The following FER variants were observed in gnomAD, a reference collection of about 807,000 sequenced individuals.
The protein encoded by FER is FER tyrosine kinase, also known as tyrosine-protein kinase Fer.
A neutral mutation model predicts 111.0 loss-of-function variants in FER; 63 were observed. The ratio of observed to expected loss-of-function variants is 0.57; its 90% CI spans 0.46 to 0.70. The LOEUF is 0.70. Among genes scored for constraint, FER ranks in the 30% least tolerant of loss-of-function variants. The pLI is 0.00. For missense variants in FER, 914 were observed against 954.0 expected, an observed-to-expected ratio of 0.96 and a Z score of 0.55; for synonymous variants, 327 against 313.9, an observed-to-expected ratio of 1.04 and a Z score of -0.44.
At chr5:109,175,718 C>G (rs1452525618) in intron 17 of FER, among the ~76,000 whole-genome samples, 1 of 152,120 alleles carries the variant, frequency 6.6e-6, no homozygotes, top group Non-Finnish European at 1.5e-5. Context: ...GGACTAAAAT[C>G]CAGAATATCC....
chr5:109,178,586 A>G (rs1272163290), intron 17 of FER, among the ~76,000 whole-genome samples: 1 of 152,204 alleles, frequency 6.6e-6, no homozygotes, highest in Non-Finnish European at 1.5e-5. Flanking sequence ...CTATATTGCC[A>G]TTGTACCTCT....
At chr5:109,156,514 T>C (rs1369181763) in intron 17 of FER, among the ~76,000 whole-genome samples, 2 of 151,996 alleles carry the variant, frequency 1.3e-5, no homozygotes, top group African/African-American at 4.8e-5. Flanking sequence ...AGGGCAGAGA[T>C]CTAGGTCTAG....
intron 10 of FER, among the ~76,000 whole-genome samples, chr5:108,899,394 T>C (rs1398785867): frequency 6.6e-6 from 1 of 152,214 alleles, no homozygotes; most frequent in Non-Finnish European, 1.5e-5. Context: ...AAAGGAACTT[T>C]TGAAATGTTT....
At chr5:108,979,916 A>C (rs1236049155) in intron 13 of FER, among the ~76,000 whole-genome samples, 2 of 152,168 alleles carry the variant, frequency 1.3e-5, no homozygotes, top group Non-Finnish European at 2.9e-5. Context: ...TTCTAGGACC[A>C]TTACAATGGG....
intron 10 of FER, among the ~76,000 whole-genome samples, chr5:108,931,393 T>G (rs549750681): frequency 6.6e-6 from 1 of 152,336 alleles, no homozygotes; most frequent in East Asian, 1.9e-4. Context: ...TTTAATAAAC[T>G]TATGTCACTG....
chr5:109,040,896 G>A (rs1771071982), intron 14 of FER, among the ~76,000 whole-genome samples: 1 of 152,104 alleles, frequency 6.6e-6, no homozygotes, highest in South Asian at 2.1e-4. Context: ...AAACACAGTA[G>A]TTCACTTTTT....
chr5:109,103,090 A>G (rs1407811472), intron 17 of FER, among the ~76,000 whole-genome samples: 2 of 152,124 alleles, frequency 1.3e-5, no homozygotes, highest in Non-Finnish European at 2.9e-5. Context: ...ATAATGTAAA[A>G]CATGATTGAA....
At chr5:108,809,980 G>C (rs1371144516) in intron 3 of FER, among the ~76,000 whole-genome samples, 2 of 152,142 alleles carry the variant, frequency 1.3e-5, no homozygotes, top group Admixed American at 6.5e-5. Flanking sequence ...CATAGTGCCA[G>C]AATTCTTGTG....
chr5:109,030,558 A>G (rs1431163805), intron 13 of FER, among the ~76,000 whole-genome samples: 1 of 152,084 alleles, frequency 6.6e-6, no homozygotes. Context: ...TTGTTGGTTT[A>G]TCTGGTGCCA....
chr5:108,762,505 T>C (rs1182257119), intron 1 of FER, among the ~76,000 whole-genome samples: 1 of 152,210 alleles, frequency 6.6e-6, no homozygotes, highest in Non-Finnish European at 1.5e-5. Flanking sequence ...GCCTGTGTTA[T>C]CCTTTTTAGA....
At chr5:108,987,405 C>G (rs1762695896) in intron 13 of FER, among the ~76,000 whole-genome samples, 1 of 151,986 alleles carries the variant, frequency 6.6e-6, no homozygotes. Flanking sequence ...GAGATCACGC[C>G]CTTGTACTCC....
At position 108,967,596 on chromosome 5, in the gene FER, C is replaced by A. The variant is rs371582864; in HGVS notation, c.1656+8249C>A. Among the ~76,000 whole-genome samples, 7 of 151,808 alleles carry A rather than the reference C, an allele frequency of 4.6e-5. No homozygotes were observed. The East Asian group carries it at 1.4e-3, about 29-fold the overall frequency. Reference sequence around the variant, plus strand: ...GGCCAATATGGTGAAACCCTCTCTACTAAAAATACAAAAATTAGCTGGGTG... The same window carrying A: ...GGCCAATATGGTGAAACCCTCTCTAATAAAAATACAAAAATTAGCTGGGTG... On this transcript the variant is annotated intron_variant, in intron 13 of 19. Transcript: ENST00000281092.
intron 17 of FER, among the ~76,000 whole-genome samples, chr5:109,126,861 T>C (rs1751793156): frequency 6.6e-6 from 1 of 152,158 alleles, no homozygotes; most frequent in East Asian, 1.9e-4. Context: ...TATGGAAGTA[T>C]AGGAAGTCAG....
intron 2 of FER, among the ~76,000 whole-genome samples, chr5:108,795,293 C>T (rs559012737): frequency 6.6e-6 from 1 of 152,110 alleles, no homozygotes; most frequent in South Asian, 2.1e-4. Context: ...CCACTGTACT[C>T]TAGCCAGAGG....
chr5:108,821,820 C>T (rs1445074080), intron 3 of FER, among the ~76,000 whole-genome samples: 1 of 151,942 alleles, frequency 6.6e-6, no homozygotes, highest in Non-Finnish European at 1.5e-5. Context: ...ATTAACTTAT[C>T]TGTCACCTCA....
chr5:109,139,585 A>G lies in FER; in HGVS notation c.2048+39066A>G, dbSNP rs536460026. Among the ~76,000 whole-genome samples the G allele has an allele frequency of 3.0e-4, 46 of 152,232 alleles. 3 individuals are homozygous for G. Among genetic ancestry groups the G allele is most frequent in the Middle Eastern group, 6.8e-3 (2 of 294 alleles). On this transcript the variant is annotated intron_variant, in intron 17 of 19. Coordinates refer to ENST00000281092, the MANE Select transcript of FER (RefSeq NM_005246.4). ...GACTATGACTTCATTTTCAGATGTC[A>G]GGACTGGTTTTTGTTTCACTTTTTT...
chr5:109,141,205 A>G (rs1254661767), intron 17 of FER, among the ~76,000 whole-genome samples: 1 of 152,182 alleles, frequency 6.6e-6, no homozygotes, highest in Non-Finnish European at 1.5e-5. Context: ...TCCTTTTTTG[A>G]AAATATAAAT....
At chr5:109,052,506 G>A (rs1772983709) in intron 16 of FER, 2 of 797,314 alleles carry the variant, frequency 2.5e-6, no homozygotes, top group Non-Finnish European at 4.3e-6. Flanking sequence ...GTCACGCCAG[G>A]TGATTGAACT....
intron 10 of FER, among the ~76,000 whole-genome samples, chr5:108,943,830 C>A (rs1465756406): frequency 6.6e-6 from 1 of 151,884 alleles, no homozygotes; most frequent in Non-Finnish European, 1.5e-5. Flanking sequence ...ACCTCTTGGG[C>A]TCAAGCCATC....
Sources: allele counts gnomAD v4.1 joint callset (sites outside exome capture counted in the v4.1 genomes callset), GRCh38; gene constraint gnomAD v4.1.1; transcripts MANE v1.5; gene names NCBI Gene and HGNC (gene_info 2026-07-23, HGNC 2026-07-21).